Variants in KBTBD3 observed in about 807,000 individuals in gnomAD.
The protein encoded by KBTBD3 is kelch repeat and BTB domain containing 3.
A neutral mutation model predicts 49.6 loss-of-function variants in KBTBD3; 38 were observed. That is an observed-to-expected ratio of 0.77 (90% CI 0.59 to 1.00). The LOEUF (loss-of-function observed/expected upper bound fraction) is 1.00. KBTBD3 is among the 50% of genes least tolerant of loss of function. KBTBD3 has a pLI of 0.00. For synonymous variants in KBTBD3, 214 were observed against 250.4 expected (o/e 0.85, Z 1.37); for missense variants, 661 against 712.0 (o/e 0.93, Z 0.81).
In KBTBD3 at chr11:106,058,753, T is replaced by TTTTTTTTTTTA. The variant is rs1375718068; in HGVS notation, c.233+111_233+112insTAAAAAAAAAA. 5 of 699,110 alleles carry TTTTTTTTTTTA rather than the reference T, an allele frequency of 7.2e-6. No homozygotes were observed. In the African/African-American group the frequency reaches 9.7e-5, roughly 14 times the overall value. 43.3% of individuals were successfully genotyped at this position (699,110 alleles called of 1,614,324 possible). ...TAGGTTTTGTTTTTGTTTTTTTTTT[T>TTTTTTTTTTTA]AGAATTAAAAATTACTGTTGCATGT... On this transcript the variant is annotated intron_variant, in intron 3 of 3. Transcript: ENST00000531837.
intron 3 of KBTBD3, among the ~76,000 whole-genome samples, chr11:106,054,896 C>T (rs2134995958): frequency 1.3e-5 from 2 of 152,100 alleles, no homozygotes; most frequent in Non-Finnish European, 2.9e-5. Context: ...TTTGATTTCA[C>T]ATTAATGAAA....
intron 3 of KBTBD3, among the ~76,000 whole-genome samples, chr11:106,058,306 G>A (rs977325410): frequency 6.6e-6 from 1 of 151,772 alleles, no homozygotes; most frequent in Non-Finnish European, 1.5e-5. Flanking sequence ...GCTGGAAGCC[G>A]GGAGGCGGAG....
Position 106,053,340 on chromosome 11 carries a change from C to T in KBTBD3, c.1349G>A (p.Ser450Asn). The T allele has an allele frequency of 6.2e-7, 1 of 1,613,286 alleles. No homozygotes were observed. The highest frequency in any genetic ancestry group is 1.1e-5 in the South Asian group (1 of 91,074). ...AACATAAATTACATTTTGGCATGTG[C>T]TTGCTTCTGGATAGTATATGCCTCT... ...LPRGIYYPEA[S>N]TCQNVIYVLG... Residue 450 changes from serine (S) to asparagine (N), a missense_variant, in exon 4 of 4, where the codon AGC becomes AAC. Transcript: ENST00000531837.
chr11:106,058,783 G>C (rs998513368), intron 3 of KBTBD3, 82 bp downstream of exon 3: 1 of 771,332 alleles, frequency 1.3e-6, no homozygotes, highest in Non-Finnish European at 2.1e-6. Flanking sequence ...GCATGTTCTT[G>C]TGGGGAAAAA....
At chr11:106,061,024 A>G (rs996106580) in intron 2 of KBTBD3, among the ~76,000 whole-genome samples, 1 of 152,230 alleles carries the variant, frequency 6.6e-6, no homozygotes. Context: ...ACTTCTCAAA[A>G]GAAGACAGTT....
chr11:106,069,509 C>CA (rs981867484), intron 2 of KBTBD3, among the ~76,000 whole-genome samples: 49 of 136,292 alleles, frequency 3.6e-4, no homozygotes, highest in Middle Eastern at 3.5e-3. Context: ...TATAATAGTT[C>CA]AAAAAAAAAA....
intron 2 of KBTBD3, among the ~76,000 whole-genome samples, chr11:106,063,103 C>A (rs1860737147): frequency 6.6e-6 from 1 of 152,238 alleles, no homozygotes; most frequent in South Asian, 2.1e-4. Flanking sequence ...CTGAGGTTAC[C>A]CTCTGTAGCC....
chr11:106,065,522 A>T (rs2135014124), intron 2 of KBTBD3, among the ~76,000 whole-genome samples: 1 of 152,354 alleles, frequency 6.6e-6, no homozygotes, highest in Non-Finnish European at 1.5e-5. Flanking sequence ...AGGGAAGAGA[A>T]TTTCAAGTAT....
intron 2 of KBTBD3, among the ~76,000 whole-genome samples, chr11:106,064,480 G>T (rs1230455332): frequency 6.6e-6 from 1 of 151,568 alleles, no homozygotes; most frequent in Non-Finnish European, 1.5e-5. Context: ...GGAGGCAGAG[G>T]TTGCAGTGGG....
rs1420279864 is a variant in KBTBD3 at position 106,052,445 on chromosome 11, A to C, written c.*405T>G. On this transcript the variant is annotated 3_prime_UTR_variant, in exon 4 of 4. Transcript: ENST00000531837. ...AAATGATAGGAATTCAACAACTCAT[A>C]CCCGCAGTAACAATATTCTCACCTC... The C allele has an allele frequency of 6.4e-6, 1 of 156,040 alleles. No individual in the cohort carries two copies. The highest frequency in any genetic ancestry group is 1.4e-5 in the Non-Finnish European group (1 of 70,498). The allele number at this position is 156,040 out of a possible 1,614,324, so 9.7% of individuals were successfully genotyped here. A position where few individuals can be genotyped will look rare whatever the true frequency, so the allele number is the denominator to read the frequency against.
intron 2 of KBTBD3, among the ~76,000 whole-genome samples, chr11:106,064,543 C>CTAAA (rs71041645): frequency 1.8e-4 from 27 of 148,580 alleles, no homozygotes; most frequent in Non-Finnish European, 2.7e-4. Flanking sequence ...GGCTCTGTTT[C>CTAAA]TAAATAAATA....
At chr11:106,067,654 C>T (rs1382493875) in intron 2 of KBTBD3, among the ~76,000 whole-genome samples, 1 of 148,638 alleles carries the variant, frequency 6.7e-6, no homozygotes, top group South Asian at 2.1e-4. Flanking sequence ...TCATAAGTCA[C>T]TATAGCTAAA....
Position 106,054,161 on chromosome 11 carries a change from A to G in KBTBD3, c.528T>C (p.Phe176=), listed in dbSNP as rs1394193392. The change falls in exon 4 of 4, where the codon TTT becomes TTC. Residue 176 remains phenylalanine (F), a synonymous_variant. Coordinates refer to ENST00000531837, the MANE Select transcript of KBTBD3 (RefSeq NM_198439.3). ...STSLFDHALH[F]VQHHFSLLFK... ...ATAATAAAGAAAAGTGATGTTGTAC[A>G]AAGTGTAATGCATGATCAAACAAAC... is the stretch of plus-strand genomic sequence containing the variant. 6.2e-7 allele frequency: 1 copy of G among 1,613,204 alleles called. No homozygotes were observed.
At chr11:106,058,167 G>A (rs1308303306) in intron 3 of KBTBD3, 5 of 337,470 alleles carry the variant, frequency 1.5e-5, no homozygotes, top group Non-Finnish European at 2.7e-5. Context: ...GGCGGATCAC[G>A]AGGTCAGGAG....
At chr11:106,069,212 C>G (rs1259706359) in intron 2 of KBTBD3, among the ~76,000 whole-genome samples, 1 of 152,086 alleles carries the variant, frequency 6.6e-6, no homozygotes, top group Non-Finnish European at 1.5e-5. Context: ...GTATATTATT[C>G]AGTTTCCAAG....
At chr11:106,070,268 A>G (rs1461332562) in intron 2 of KBTBD3, among the ~76,000 whole-genome samples, 1 of 152,096 alleles carries the variant, frequency 6.6e-6, no homozygotes, top group Non-Finnish European at 1.5e-5. Flanking sequence ...TATCAAAATT[A>G]TATTTTTCCT....
rs767865499 is a variant in KBTBD3, at chr11:106,058,898, C to T, written c.200G>A (p.Arg67His). Residue 67 changes from arginine to histidine, a missense_variant, in exon 3 of 4, where the codon CGT becomes CAT. Transcript: ENST00000531837. ...IMKDEIIPCH[R>H]CVLAACSDFF... is the part of the protein sequence containing the mutation. ...GTCACTGCATGCTGCTAACACACAA[C>T]GATGACACGGGATTATTTCATCTTT... 1.7e-5 allele frequency: 27 copies of T among 1,574,234 alleles called. No individual in the cohort carries two copies. The highest frequency in any genetic ancestry group is 3.6e-5 in the South Asian group (3 of 82,754).
At position 106,053,256 on chromosome 11, in the gene KBTBD3, T is replaced by C. The variant is rs1444317189; in HGVS notation, c.1433A>G (p.Lys478Arg). 1 of 1,613,620 alleles carries C rather than the reference T, an allele frequency of 6.2e-7. No individual in the cohort carries two copies. Among genetic ancestry groups the C allele is most frequent in the Non-Finnish European group, 8.5e-7 (1 of 1,179,802 alleles). The change falls in exon 4 of 4, where the codon AAA becomes AGA. Residue 478 changes from lysine to arginine, a missense_variant. Transcript: ENST00000531837. ...AFNPSLDCFF[K>R]YNATTDQWSE... ...CCACTGATCAGTTGTAGCATTGTATTTAAAAAAGCAATCAAGTGATGGGTT... is the reference window on the plus strand; with the variant it reads ...CCACTGATCAGTTGTAGCATTGTATCTAAAAAAGCAATCAAGTGATGGGTT...
chr11:106,058,052 C>T (rs1860589911), intron 3 of KBTBD3: 1 of 398,298 alleles, frequency 2.5e-6, no homozygotes, highest in Admixed American at 4.4e-5. Flanking sequence ...CCTGGGAAGA[C>T]CTATACGTTA....
Sources: gnomAD v4.1 joint callset for allele counts (sites outside exome capture counted in the v4.1 genomes callset) on GRCh38, gnomAD v4.1.1 for gene constraint, MANE v1.5 for transcripts, NCBI Gene and HGNC (gene_info 2026-07-23, HGNC 2026-07-21) for gene names.